The following CACHD1 variants were observed in gnomAD, a reference collection of about 807,000 sequenced individuals.
CACHD1 encodes VWFA and cache domain-containing protein 1.
Under a neutral mutation model 138.7 loss-of-function variants are expected in CACHD1, and 71 were observed. The ratio of observed to expected loss-of-function variants is 0.51; its 90% confidence interval spans 0.42 to 0.62. The LOEUF (loss-of-function observed/expected upper bound fraction) is 0.62. Among genes scored for constraint, CACHD1 ranks in the 20% least tolerant of loss-of-function variants. The pLI, the probability that CACHD1 is intolerant of heterozygous loss-of-function variation, is 0.00. For missense variants in CACHD1, 1,389 were observed against 1,625.3 expected, an observed-to-expected ratio of 0.85 and a Z score of 2.50; for synonymous variants, 578 against 591.5, an observed-to-expected ratio of 0.98 and a Z score of 0.33.
intron 1 of CACHD1, among the ~76,000 whole-genome samples, chr1:64,472,489 T>G (rs1416380092): frequency 6.6e-6 from 1 of 152,180 alleles, no homozygotes; most frequent in East Asian, 1.9e-4. Flanking sequence ...AGCCCTGAAG[T>G]GCAATGGAGT....
At chr1:64,658,967 T>C (rs1649353689) in intron 13 of CACHD1, 94 bp downstream of exon 13, 4 of 1,091,818 alleles carry the variant, frequency 3.7e-6, no homozygotes, top group Non-Finnish European at 5.0e-6. Context: ...CCAAAAAAGA[T>C]ACTGAATGCC....
chr1:64,673,060 G>T, intron 17 of CACHD1, 98 bp from the exon 18 acceptor site: 1 of 1,008,484 alleles, frequency 9.9e-7, no homozygotes, highest in Admixed American at 1.9e-5. Context: ...GATAAATGCA[G>T]TTTGTTTCAG....
intron 16 of CACHD1, among the ~76,000 whole-genome samples, chr1:64,666,704 C>A (rs112743829): frequency 6.6e-6 from 1 of 151,916 alleles, no homozygotes; most frequent in African/African-American, 2.4e-5. Flanking sequence ...TAGCGAGACC[C>A]TGGCTCTACA....
chr1:64,663,207 G>A (rs1649502934), intron 13 of CACHD1, among the ~76,000 whole-genome samples: 2 of 151,626 alleles, frequency 1.3e-5, no homozygotes, highest in South Asian at 4.2e-4. Context: ...GTCTTTACTG[G>A]TTCATTCTTA....
At chr1:64,651,569 C>T (rs1036985155) in intron 9 of CACHD1, among the ~76,000 whole-genome samples, 1 of 152,124 alleles carries the variant, frequency 6.6e-6, no homozygotes, top group Admixed American at 6.6e-5. Flanking sequence ...GAGGGAGGAT[C>T]ACTTGAGCCC....
At chr1:64,602,287 CTG>C (rs1647223893) in intron 3 of CACHD1, among the ~76,000 whole-genome samples, 1 of 151,910 alleles carries the variant, frequency 6.6e-6, no homozygotes, top group African/African-American at 2.4e-5. Context: ...GATAAGAAAA[CTG>C]AGACCCAGAA....
intron 5 of CACHD1, among the ~76,000 whole-genome samples, chr1:64,631,647 C>T (rs1392094234): frequency 6.6e-6 from 1 of 152,250 alleles, no homozygotes; most frequent in South Asian, 2.1e-4. Context: ...CTAATTTGTT[C>T]CAGCTTTAAA....
At chr1:64,652,459 G>T in intron 10 of CACHD1, 149 bp downstream of exon 10, 1 of 673,736 alleles carries the variant, frequency 1.5e-6, no homozygotes, top group Non-Finnish European at 2.4e-6. Context: ...ACACCGTAAA[G>T]ATGGCAGAGT....
Position 64,678,245 on chromosome 1 carries a change from A to C in CACHD1, c.3179A>C (p.Gln1060Pro), listed in dbSNP as rs777552628. ...THLDKPYCAP[Q>P]KECFGGIVGA... Reference sequence around the variant, plus strand: ...CTGGACAAACCCTACTGTGCCCCCCAGAAAGAATGCTTCGGGGGGATTGTG... The same window carrying C: ...CTGGACAAACCCTACTGTGCCCCCCCGAAAGAATGCTTCGGGGGGATTGTG... Residue 1060 changes from glutamine (Q) to proline (P), a missense_variant, in exon 23 of 27, where the codon CAG (glutamine) becomes CCG (proline). Physicochemically the swap from Gln to Pro is moderately conservative, Grantham distance 76. Transcript: ENST00000651257. 1 of 1,611,344 alleles carries C rather than the reference A, an allele frequency of 6.2e-7. No homozygotes were observed. Among genetic ancestry groups the C allele is most frequent in the Non-Finnish European group, 8.5e-7 (1 of 1,178,852 alleles).
chr1:64,555,962 C>G (rs1316953962), intron 2 of CACHD1, among the ~76,000 whole-genome samples: 1 of 152,114 alleles, frequency 6.6e-6, no homozygotes, highest in Non-Finnish European at 1.5e-5. Flanking sequence ...TTTATCTATC[C>G]TTGTGCCAGT....
intron 1 of CACHD1, among the ~76,000 whole-genome samples, chr1:64,550,281 A>G (rs1185203796): frequency 6.6e-6 from 1 of 152,196 alleles, no homozygotes. Context: ...TAAATGAGAA[A>G]CACAACTTGG....
At chr1:64,476,569 T>G (rs1030196875) in intron 1 of CACHD1, among the ~76,000 whole-genome samples, 14 of 152,246 alleles carry the variant, frequency 9.2e-5, no homozygotes, top group African/African-American at 3.4e-4. Context: ...TGCTTTCTTT[T>G]GAAAATGGAT....
chr1:64,616,921 T>A (rs1488104316), intron 4 of CACHD1, among the ~76,000 whole-genome samples: 1 of 151,886 alleles, frequency 6.6e-6, no homozygotes, highest in Non-Finnish European at 1.5e-5. Flanking sequence ...CTTAGTTGCA[T>A]AGCTGAGACA....
At chr1:64,480,350 G>A (rs561896102) in intron 1 of CACHD1, among the ~76,000 whole-genome samples, 197 of 152,202 alleles carry the variant, frequency 1.3e-3, no homozygotes, top group African/African-American at 4.4e-3. Flanking sequence ...GACCCTTTTC[G>A]TGATATTATA....
rs1270138969 is a variant in CACHD1, at chr1:64,691,975, G to A, written c.*414G>A. 3 of 211,708 alleles carry A rather than the reference G, an allele frequency of 1.4e-5. No homozygotes were observed. Among genetic ancestry groups the A allele is most frequent in the African/African-American group, 2.2e-5 (1 of 44,570 alleles). 13.1% of individuals were successfully genotyped at this position (211,708 alleles called of 1,614,324 possible). On this transcript the variant is annotated 3_prime_UTR_variant, in exon 27 of 27. Transcript: ENST00000651257. The stretch of plus-strand genomic sequence containing the variant: ...CAGAGACTGGAATGTGGCACATGCA[G>A]ATACAAATGTGTGCATTGAAGATTT...
chr1:64,601,987 A>G (rs930698998), intron 3 of CACHD1, among the ~76,000 whole-genome samples: 7 of 152,226 alleles, frequency 4.6e-5, no homozygotes, highest in African/African-American at 1.7e-4. Flanking sequence ...TTATGACTAT[A>G]TGTAAATAAG....
chr1:64,542,905 T>C (rs1646688012), intron 1 of CACHD1, among the ~76,000 whole-genome samples: 1 of 151,998 alleles, frequency 6.6e-6, no homozygotes. Context: ...AATGAGACAA[T>C]ATGTTGCAAA....
In CACHD1 at chr1:64,625,128, C is replaced by CTG. The variant is rs1648050956; in HGVS notation, c.518-4226_518-4225insGT. 3.9e-5 allele frequency among the ~76,000 whole-genome samples: 6 copies of CTG among 152,300 alleles called. No homozygotes were observed. In the South Asian group the frequency reaches 1.2e-3, roughly 32 times the overall value. ...ACTGTACCAGACTGAAGGAAAGTTT[C>CTG]TATACAGAGATCTGGTCATTTAAAG... On this transcript the variant is annotated intron_variant, in intron 4 of 26. Transcript: ENST00000651257.
At chr1:64,621,066 C>G (rs151272216) in intron 4 of CACHD1, among the ~76,000 whole-genome samples, 1 of 152,190 alleles carries the variant, frequency 6.6e-6, no homozygotes, top group Admixed American at 6.5e-5. Context: ...CTTGTAAGGG[C>G]TTTAGAGTAA....
Sources: gnomAD v4.1 joint callset for allele counts (sites outside exome capture counted in the v4.1 genomes callset) on GRCh38, gnomAD v4.1.1 for gene constraint, MANE v1.5 for transcripts, NCBI Gene and HGNC (gene_info 2026-07-23, HGNC 2026-07-21) for gene names.